The following HSD17B12 variants were observed in gnomAD, a reference collection of about 807,000 sequenced individuals.
HSD17B12 encodes hydroxysteroid 17-beta dehydrogenase 12, also known as very-long-chain 3-oxoacyl-CoA reductase.
Under a neutral mutation model 39.3 loss-of-function variants are expected in HSD17B12, and 32 were observed. The ratio of observed to expected loss-of-function variants is 0.81; its 90% CI spans 0.61 to 1.09. The LOEUF is 1.09. HSD17B12 is among the 50% of genes least tolerant of loss of function. The pLI, the probability that HSD17B12 is intolerant of heterozygous loss-of-function variation, is 0.00. For missense variants in HSD17B12, 342 were observed against 382.9 expected (o/e 0.89, Z 0.89); for synonymous variants, 150 against 146.7 (o/e 1.02, Z -0.16).
At chr11:43,842,308 T>C (rs1951434300) in intron 9 of HSD17B12, among the ~76,000 whole-genome samples, 1 of 152,152 alleles carries the variant, frequency 6.6e-6, no homozygotes, top group South Asian at 2.1e-4. Context: ...TGAGATAGAA[T>C]GGTAATGAAA....
At chr11:43,805,069 G>A (rs1444050122) in intron 4 of HSD17B12, among the ~76,000 whole-genome samples, 1 of 152,118 alleles carries the variant, frequency 6.6e-6, no homozygotes, top group South Asian at 2.1e-4. Context: ...AGGATTGCTT[G>A]GAAGGAAGGA....
chr11:43,723,466 T>C (rs530472320), intron 1 of HSD17B12, among the ~76,000 whole-genome samples: 1 of 152,338 alleles, frequency 6.6e-6, no homozygotes, highest in South Asian at 2.1e-4. Flanking sequence ...TATTATCATA[T>C]TATCATGAGA....
chr11:43,804,734 A>G (rs1389292825), intron 4 of HSD17B12, among the ~76,000 whole-genome samples: 1 of 152,192 alleles, frequency 6.6e-6, no homozygotes, highest in Non-Finnish European at 1.5e-5. Context: ...TCTAGGATAG[A>G]GAATAGTTGA....
chr11:43,741,734 C>CTTTTTTTTTTT (rs534584200), intron 1 of HSD17B12, among the ~76,000 whole-genome samples: 3 of 130,498 alleles, frequency 2.3e-5, no homozygotes, highest in Non-Finnish European at 3.3e-5. Context: ...TTTTCTTTTT[C>CTTTTTTTTTTT]TTTTTTTTTT....
chr11:43,673,164 T>C, the HSD17B12 span: 2 of 152,218 alleles, frequency 1.3e-5, no homozygotes, highest in Non-Finnish European at 2.9e-5. Flanking sequence ...TCCTCGCTTC[T>C]ATGAAACTCC....
the HSD17B12 span, among the ~76,000 whole-genome samples, chr11:43,662,154 C>A: frequency 0.12 from 18,257 of 150,740 alleles, 1,422 homozygotes; most frequent in Middle Eastern, 0.24. Flanking sequence ...GTGCTGTGAT[C>A]GCACCACTGC....
rs1951048399 is a variant in HSD17B12 at position 43,809,446 on chromosome 11, A to G, written c.392-5991A>G. ...ACAGGAAGTTTCCCCCACTTTTGGT[A>G]TATACACTGTTACTAAAGTATACAT... On this transcript the variant is annotated intron_variant, in intron 4 of 10. Coordinates refer to ENST00000278353, the MANE Select transcript of HSD17B12 (RefSeq NM_016142.3). Among the ~76,000 whole-genome samples, 4 of 152,322 alleles carry G rather than the reference A, an allele frequency of 2.6e-5. No individual in the cohort carries two copies. In the South Asian group the frequency reaches 8.3e-4, roughly 32 times the overall value.
the HSD17B12 span, among the ~76,000 whole-genome samples, chr11:43,619,053 C>T: frequency 6.7e-6 from 1 of 150,030 alleles, no homozygotes; most frequent in African/African-American, 2.5e-5. Context: ...TTAAGAACAA[C>T]CCTATTTAGA....
At chr11:43,610,191 A>T in the HSD17B12 span, among the ~76,000 whole-genome samples, 1 of 152,208 alleles carries the variant, frequency 6.6e-6, no homozygotes, top group African/African-American at 2.4e-5. Flanking sequence ...AATATAGTTT[A>T]AAAAATGGTA....
At chr11:43,673,933 T>A in the HSD17B12 span, among the ~76,000 whole-genome samples, 2 of 152,206 alleles carry the variant, frequency 1.3e-5, no homozygotes, top group Admixed American at 6.5e-5. Context: ...GTTTCCTCAT[T>A]CATAAAATGG....
chr11:43,620,744 G>T, the HSD17B12 span, among the ~76,000 whole-genome samples: 2 of 152,148 alleles, frequency 1.3e-5, no homozygotes, highest in Non-Finnish European at 2.9e-5. Context: ...CATTGATTGC[G>T]TATTTAGAAG....
At chr11:43,820,573 A>T (rs570265205) in intron 6 of HSD17B12, among the ~76,000 whole-genome samples, 2 of 152,212 alleles carry the variant, frequency 1.3e-5, no homozygotes, top group Non-Finnish European at 2.9e-5. Flanking sequence ...CAAAGGTTTT[A>T]TTGTGGCTGG....
the HSD17B12 span, among the ~76,000 whole-genome samples, chr11:43,626,710 G>T: frequency 6.6e-6 from 1 of 151,834 alleles, no homozygotes; most frequent in Admixed American, 6.6e-5. Context: ...TGAAACAGCT[G>T]CAGCTGATTA....
chr11:43,721,026 A>G (rs954502772), intron 1 of HSD17B12, among the ~76,000 whole-genome samples: 1 of 151,590 alleles, frequency 6.6e-6, no homozygotes, highest in African/African-American at 2.4e-5. Flanking sequence ...TAGGTATTTG[A>G]TTTTGCAGTT....
intron 3 of HSD17B12, among the ~76,000 whole-genome samples, chr11:43,787,397 G>C (rs968028248): frequency 1.3e-5 from 2 of 152,056 alleles, no homozygotes; most frequent in African/African-American, 4.8e-5. Context: ...TTCTACTCTT[G>C]ACAAAATATT....
chr11:43,682,685 T>C (rs907610809), intron 1 of HSD17B12, among the ~76,000 whole-genome samples: 1 of 152,136 alleles, frequency 6.6e-6, no homozygotes, highest in Admixed American at 6.5e-5. Flanking sequence ...TACAAAAGAC[T>C]ACAAGATTTT....
the HSD17B12 span, among the ~76,000 whole-genome samples, chr11:43,588,638 A>ATTATTATT: frequency 3.2e-5 from 2 of 62,840 alleles, no homozygotes; most frequent in East Asian, 9.4e-4. Flanking sequence ...TTATTATTAT[A>ATTATTATT]GTGTTCTCTT....
At chr11:43,827,088 G>A (rs905593642) in intron 6 of HSD17B12, among the ~76,000 whole-genome samples, 7 of 152,198 alleles carry the variant, frequency 4.6e-5, no homozygotes, top group Admixed American at 2.0e-4. Context: ...TTGGGGTAGA[G>A]GGAGGGCAGA....
chr11:43,796,160 C>T (rs986212953), intron 3 of HSD17B12, among the ~76,000 whole-genome samples: 4 of 152,082 alleles, frequency 2.6e-5, no homozygotes, highest in Non-Finnish European at 5.9e-5. Flanking sequence ...AAACTCACAC[C>T]GTTTATTAGG....
Sources: allele counts gnomAD v4.1 joint callset (sites outside exome capture counted in the v4.1 genomes callset), GRCh38; gene constraint gnomAD v4.1.1; transcripts MANE v1.5; gene names NCBI Gene and HGNC (gene_info 2026-07-23, HGNC 2026-07-21).